Variants in ITSN1 observed in about 807,000 individuals in gnomAD.
ITSN1 encodes the protein intersectin-1.
In ITSN1, 58 loss-of-function variants were observed where a neutral mutation model predicts 239.8. That is an observed-to-expected ratio of 0.24 (90% CI 0.20 to 0.30). The LOEUF (loss-of-function observed/expected upper bound fraction) is 0.30, where lower values mean the gene tolerates loss of function less well. Ranked by LOEUF, ITSN1 falls within the 10% of genes least tolerant of loss-of-function variation. The probability of loss-of-function intolerance (pLI) is 1.00; values close to 1 mark genes in which losing one functional copy is unlikely to be tolerated. For synonymous variants in ITSN1, 780 were observed against 770.8 expected (o/e 1.01, Z -0.20); for missense variants, 1,558 against 2,103.3 (o/e 0.74, Z 5.07).
At chr21:33,856,096 C>T (rs1162254604) in intron 29 of ITSN1, among the ~76,000 whole-genome samples, 3 of 152,226 alleles carry the variant, frequency 2.0e-5, no homozygotes, top group Non-Finnish European at 2.9e-5. Context: ...TCGGTGTCCT[C>T]GTCTGTGAAA....
At chr21:33,796,728 G>C (rs2071591758) in intron 17 of ITSN1, among the ~76,000 whole-genome samples, 1 of 152,264 alleles carries the variant, frequency 6.6e-6, no homozygotes, top group African/African-American at 2.4e-5. Flanking sequence ...TTAATATATG[G>C]GGAGCTAGTT....
intron 8 of ITSN1, 70 bp downstream of exon 8, chr21:33,755,467 C>A: frequency 1.2e-6 from 1 of 829,098 alleles, no homozygotes; most frequent in South Asian, 1.7e-5. Flanking sequence ...GATATTGGGT[C>A]ATAGATATTT....
intron 4 of ITSN1, among the ~76,000 whole-genome samples, chr21:33,725,738 C>T (rs543119337): frequency 2.6e-5 from 4 of 152,142 alleles, no homozygotes; most frequent in African/African-American, 7.2e-5. Context: ...TTTTTTCTTA[C>T]GTTTTGCTAA....
At chr21:33,643,392 G>C (rs1304237782) in intron 1 of ITSN1, 2 of 152,120 alleles carry the variant, frequency 1.3e-5, no homozygotes, top group Non-Finnish European at 2.9e-5. Context: ...TTGTGGTGTG[G>C]ACCCAAGACA....
chr21:33,756,810 A>C (rs1038730315), intron 8 of ITSN1: 5 of 152,164 alleles, frequency 3.3e-5, no homozygotes, highest in African/African-American at 1.2e-4. Flanking sequence ...CTTGTTGCCC[A>C]GGCCGGAGTG....
At chr21:33,712,232 A>G (rs1027500674) in intron 1 of ITSN1, among the ~76,000 whole-genome samples, 1 of 151,630 alleles carries the variant, frequency 6.6e-6, no homozygotes, top group Non-Finnish European at 1.5e-5. Flanking sequence ...ACTTCTTTGT[A>G]TGTCCAGTAG....
At chr21:33,647,609 C>G (rs1371309308) in intron 1 of ITSN1, among the ~76,000 whole-genome samples, 2 of 152,112 alleles carry the variant, frequency 1.3e-5, no homozygotes, top group African/African-American at 4.8e-5. Context: ...GAATCTCTTG[C>G]CTTAGCCTCC....
rs748884589 is a variant in ITSN1, at chr21:33,767,707, T to C, written c.927-6T>C. On this transcript the variant is annotated splice_polypyrimidine_tract_variant and splice_region_variant and intron_variant, in intron 10 of 39. Transcript: ENST00000381318. ...AATCTATTTTTCTTTTTCCCCGCAA[T>C]TGCAGAAGAGTTCGATCTGGCAGTG... is the stretch of plus-strand genomic sequence containing the variant. 6 of 1,565,778 alleles carry C rather than the reference T, an allele frequency of 3.8e-6. No individual in the cohort carries two copies. The highest frequency in any genetic ancestry group is 5.3e-6 in the Non-Finnish European group (6 of 1,141,120).
At chr21:33,727,378 A>G (rs150346893) in intron 4 of ITSN1, among the ~76,000 whole-genome samples, 1 of 152,152 alleles carries the variant, frequency 6.6e-6, no homozygotes, top group Non-Finnish European at 1.5e-5. Context: ...GGGCCAGCAG[A>G]AATGGAGAGA....
intron 16 of ITSN1, among the ~76,000 whole-genome samples, chr21:33,792,393 A>G (rs2071210188): frequency 6.6e-6 from 1 of 151,886 alleles, no homozygotes; most frequent in South Asian, 2.1e-4. Flanking sequence ...TTTAGTAGAG[A>G]CGGGGTTTCT....
At chr21:33,763,229 C>CAA (rs71322243) in intron 9 of ITSN1, among the ~76,000 whole-genome samples, 8,384 of 69,166 alleles carry the variant, frequency 0.12, 329 homozygotes, top group East Asian at 0.17. Context: ...GCCCCCCAAC[C>CAA]AAAAAAAAAA....
intron 1 of ITSN1, among the ~76,000 whole-genome samples, chr21:33,685,294 C>T (rs998029033): frequency 6.6e-6 from 1 of 152,082 alleles, no homozygotes; most frequent in African/African-American, 2.4e-5. Context: ...CTTCAAGTTT[C>T]CCTTGTCTTT....
At chr21:33,727,020 A>T (rs532670517) in intron 4 of ITSN1, among the ~76,000 whole-genome samples, 14 of 152,218 alleles carry the variant, frequency 9.2e-5, no homozygotes, top group African/African-American at 3.1e-4. Flanking sequence ...TTCAACTGTA[A>T]TCTGTTAATG....
intron 22 of ITSN1, chr21:33,817,131 T>C: frequency 8.4e-7 from 1 of 1,192,474 alleles, no homozygotes; most frequent in East Asian, 5.9e-5. Flanking sequence ...TATATATGAT[T>C]GAAAGTTGGT....
intron 1 of ITSN1, among the ~76,000 whole-genome samples, chr21:33,704,640 A>G (rs1362458094): frequency 3.3e-5 from 5 of 152,288 alleles, no homozygotes; most frequent in East Asian, 1.9e-4. Flanking sequence ...TCCATTCGTT[A>G]TTATAAGCTA....
chr21:33,810,948 T>C, intron 20 of ITSN1, 27 bp from the exon 21 acceptor site: 1 of 1,614,172 alleles, frequency 6.2e-7, no homozygotes, highest in Non-Finnish European at 8.5e-7. Flanking sequence ...AATTTAGTTC[T>C]ACTTAAAGCT....
chr21:33,889,916 T>C lies in ITSN1; in HGVS notation c.*1616T>C, dbSNP rs369225290. On this transcript the variant is annotated 3_prime_UTR_variant, in exon 40 of 40. Coordinates refer to ENST00000381318, the MANE Select transcript of ITSN1 (RefSeq NM_003024.3). The stretch of plus-strand genomic sequence containing the variant: ...GGACAACAAAGTTTACATTTCATAC[T>C]TTTAAGAAATACTTTATTATTTATT... The C allele has an allele frequency of 3.9e-5, 6 of 152,358 alleles. No homozygotes were observed. Among genetic ancestry groups the C allele is most frequent in the African/African-American group, 1.4e-4 (6 of 41,594 alleles). The allele number at this position is 152,358 out of a possible 1,614,324, so 9.4% of individuals were successfully genotyped here.
chr21:33,800,887 T>TCCCTG (rs2071945839), intron 19 of ITSN1, among the ~76,000 whole-genome samples: 2 of 150,978 alleles, frequency 1.3e-5, no homozygotes, highest in Non-Finnish European at 2.9e-5. Flanking sequence ...TGATATTGGC[T>TCCCTG]CACTGCAACC....
intron 20 of ITSN1, 44 bp downstream of exon 20, chr21:33,802,488 G>A (rs779235506): frequency 6.2e-7 from 1 of 1,603,548 alleles, no homozygotes; most frequent in Non-Finnish European, 8.5e-7. Context: ...CTTATTCAAT[G>A]TTTTGTCCTT....
Sources: gnomAD v4.1 joint callset for allele counts (sites outside exome capture counted in the v4.1 genomes callset) on GRCh38, gnomAD v4.1.1 for gene constraint, MANE v1.5 for transcripts, NCBI Gene and HGNC (gene_info 2026-07-23, HGNC 2026-07-21) for gene names.